The following ACTR8 variants were observed in gnomAD, a reference collection of about 807,000 sequenced individuals.
ACTR8 encodes actin related protein 8.
In ACTR8, 70 loss-of-function variants were observed where a neutral mutation model predicts 84.3. The observed-to-expected ratio is 0.83, with a 90% confidence interval of 0.68 to 1.01. The LOEUF is 1.01. Ranked by LOEUF, ACTR8 falls within the 50% of genes least tolerant of loss-of-function variation. ACTR8 has a pLI of 0.00. For missense variants in ACTR8, 672 were observed against 775.4 expected, an observed-to-expected ratio of 0.87 and a Z score of 1.58; for synonymous variants, 268 against 275.2, an observed-to-expected ratio of 0.97 and a Z score of 0.26.
Position 53,882,018 on chromosome 3 carries a change from C to T in ACTR8, c.84G>A (p.Arg28=), listed in dbSNP as rs1215185599. Residue 28 remains arginine (R), a synonymous_variant, in exon 1 of 13, where the codon CGG becomes CGA. Transcript: ENST00000335754. Reference sequence around the variant, plus strand: ...CCGGCACCAGCGCGGGCACGATGGGCCGCTTCACGCCGCGCTGCTCCTTCT... The same window carrying T: ...CCGGCACCAGCGCGGGCACGATGGGTCGCTTCACGCCGCGCTGCTCCTTCT... ...EKEKEQRGVK[R]PIVPALVPES... 6.4e-6 allele frequency: 10 copies of T among 1,551,804 alleles called. No homozygotes were observed. The highest frequency in any genetic ancestry group is 8.7e-7 in the Non-Finnish European group (1 of 1,147,010).
intron 1 of ACTR8, 84 bp downstream of exon 1, chr3:53,881,895 A>G: frequency 6.5e-7 from 1 of 1,541,576 alleles, no homozygotes; most frequent in Non-Finnish European, 8.7e-7. Flanking sequence ...GGGGGACTCG[A>G]AGCCTCCCGC....
At chr3:53,863,243 T>C (rs375660952), downstream of ACTR8, among the ~76,000 whole-genome samples, 25 of 152,310 alleles carry the variant, frequency 1.6e-4, no homozygotes, top group African/African-American at 5.5e-4. Flanking sequence ...TCAAAGGTTA[T>C]AGGAGATTTT....
chr3:53,873,222 T>C, intron 8 of ACTR8, 95 bp from the exon 9 acceptor site: 1 of 938,818 alleles, frequency 1.1e-6, no homozygotes, highest in Non-Finnish European at 1.6e-6. Context: ...AAATATCACC[T>C]ATAAAAAGGC....
chr3:53,877,019 A>C (rs1454908950), intron 5 of ACTR8, among the ~76,000 whole-genome samples, 195 bp downstream of exon 5: 1 of 152,198 alleles, frequency 6.6e-6, no homozygotes, highest in African/African-American at 2.4e-5. Context: ...GACACCAAAG[A>C]AACAGAGAAA....
intron 3 of ACTR8, 104 bp downstream of exon 3, chr3:53,878,253 G>A (rs1237656990): frequency 1.1e-6 from 1 of 899,146 alleles, no homozygotes; most frequent in African/African-American, 1.7e-5. Context: ...CCTTTTTAAG[G>A]AACTCCCATC....
At chr3:53,873,703 A>T (rs1187731963) in intron 8 of ACTR8, among the ~76,000 whole-genome samples, 4 of 152,198 alleles carry the variant, frequency 2.6e-5, no homozygotes. Flanking sequence ...ACTTTTCCTG[A>T]GCCTAAGACA....
chr3:53,859,894 T>C, the ACTR8 span: 2 of 395,340 alleles, frequency 5.1e-6, no homozygotes, highest in Non-Finnish European at 9.2e-6. Context: ...ATGCCTGTAA[T>C]CCCAGCTACT....
rs777649971 is a variant in ACTR8 at position 53,872,544 on chromosome 3, G to A, written c.1162-20C>T. 8.3e-6 allele frequency: 13 copies of A among 1,563,288 alleles called. No individual in the cohort carries two copies. Among genetic ancestry groups the A allele is most frequent in the Non-Finnish European group, 1.1e-5 (13 of 1,161,268 alleles). On this transcript the variant is annotated intron_variant, in intron 9 of 12. Transcript: ENST00000335754. ...TGGAGCCTGTACATGAAGAAAAAGA[G>A]TGATCAACAAAAGATACTGCATCCT...
chr3:53,879,888 C>T, intron 2 of ACTR8, 51 bp downstream of exon 2: 1 of 1,509,554 alleles, frequency 6.6e-7, no homozygotes, highest in Non-Finnish European at 9.0e-7. Flanking sequence ...GTGTCTAAGC[C>T]CTCCCAGGGA....
chr3:53,872,569 T>C (rs1305518068), intron 9 of ACTR8, 45 bp from the exon 10 acceptor site: 8 of 1,506,656 alleles, frequency 5.3e-6, no homozygotes, highest in African/African-American at 1.4e-5. Flanking sequence ...TACTGCATCC[T>C]GAAAAAAACT....
At chr3:53,879,742 C>T (rs961089421) in intron 2 of ACTR8, among the ~76,000 whole-genome samples, 197 bp downstream of exon 2, 1 of 152,096 alleles carries the variant, frequency 6.6e-6, no homozygotes, top group Non-Finnish European at 1.5e-5. Flanking sequence ...CTCAATTCAC[C>T]CTGAAAGACT....
At chr3:53,863,619 G>C (rs1448513507), downstream of ACTR8, among the ~76,000 whole-genome samples, 2 of 152,280 alleles carry the variant, frequency 1.3e-5, no homozygotes, top group East Asian at 3.9e-4. Flanking sequence ...GTATAGGGCA[G>C]AATTCCAGGT....
At chr3:53,876,514 G>A in intron 6 of ACTR8, 106 bp downstream of exon 6, 1 of 727,222 alleles carries the variant, frequency 1.4e-6, no homozygotes, top group Non-Finnish European at 2.3e-6. Flanking sequence ...GAGAGACTCT[G>A]TCTCAAATAA....
At chr3:53,872,327 A>C in intron 10 of ACTR8, 57 bp downstream of exon 10, 1 of 1,497,658 alleles carries the variant, frequency 6.7e-7, no homozygotes. Context: ...TTAACTCTGG[A>C]CAAATTTCTC....
chr3:53,860,295 A>C, the ACTR8 span: 1 of 1,338,152 alleles, frequency 7.5e-7, no homozygotes, highest in South Asian at 1.2e-5. Flanking sequence ...TTTTTAAAGA[A>C]GATTCCTCTG....
chr3:53,865,182 T>C, downstream of ACTR8: 5 of 1,614,188 alleles, frequency 3.1e-6, no homozygotes, highest in South Asian at 1.1e-5. Flanking sequence ...ATGCTCTCAG[T>C]GTCTGCCCCA....
At chr3:53,860,157 C>T in the ACTR8 span, 3 of 1,613,994 alleles carry the variant, frequency 1.9e-6, no homozygotes, top group Non-Finnish European at 2.5e-6. Flanking sequence ...GGCTGGCTGC[C>T]TCTCCTCCTG....
chr3:53,880,232 A>C, intron 1 of ACTR8, 123 bp from the exon 2 acceptor site: 1 of 1,030,740 alleles, frequency 9.7e-7, no homozygotes, highest in Non-Finnish European at 1.4e-6. Flanking sequence ...AATTCAATAA[A>C]GTTCTTTGAG....
chr3:53,880,128 G>C lies in ACTR8; in HGVS notation c.124-19C>G, dbSNP rs777582062. On this transcript the variant is annotated intron_variant, in intron 1 of 12. Transcript: ENST00000335754. ...GGATTTGCTGCAGATATAAAACATA[G>C]ATGTGTGACTTTGTAAATAATATGC... 5 of 1,602,876 alleles carry C rather than the reference G, an allele frequency of 3.1e-6. No homozygotes were observed. Among genetic ancestry groups the C allele is most frequent in the South Asian group, 2.2e-5 (2 of 90,508 alleles).
Sources: allele counts gnomAD v4.1 joint callset (sites outside exome capture counted in the v4.1 genomes callset), GRCh38; gene constraint gnomAD v4.1.1; transcripts MANE v1.5; gene names NCBI Gene and HGNC (gene_info 2026-07-23, HGNC 2026-07-21).